Variants in PWWP2B observed in about 807,000 individuals in gnomAD.
PWWP2B encodes the protein PWWP domain containing 2B.
Under a neutral mutation model 15.5 loss-of-function variants are expected in PWWP2B, and 9 were observed. The ratio of observed to expected loss-of-function variants is 0.58; its 90% CI spans 0.35 to 1.02. The LOEUF (loss-of-function observed/expected upper bound fraction) is 1.02. PWWP2B is among the 50% of genes least tolerant of loss of function. The probability of loss-of-function intolerance (pLI) is 0.02; values close to 1 mark genes in which losing one functional copy is unlikely to be tolerated. For synonymous variants in PWWP2B, 474 were observed against 403.6 expected (o/e 1.17, Z -2.09); for missense variants, 864 against 865.3 (o/e 1.00, Z 0.02).
At position 132,405,226 on chromosome 10, in the gene PWWP2B, C is replaced by T. The variant is rs749011040; in HGVS notation, c.726C>T (p.Ala242=). Residue 242 remains alanine, a synonymous_variant, in exon 2 of 3, where the codon GCC becomes GCT. Coordinates refer to ENST00000305233, the MANE Select transcript of PWWP2B (RefSeq NM_138499.4). ...SKRERREEDR[A]PAEQVPRSPV... is the part of the protein sequence containing the mutation. The stretch of plus-strand genomic sequence containing the variant: ...GGGAGAGGCGCGAGGAGGACAGGGC[C>T]CCGGCAGAGCAGGTCCCGCGGAGCC... 1 of 1,601,640 alleles carries T rather than the reference C, an allele frequency of 6.2e-7. No individual in the cohort carries two copies. Among genetic ancestry groups the T allele is most frequent in the African/African-American group, 1.3e-5 (1 of 74,780 alleles).
chr10:132,417,040 C>T (rs759885790), intron 2 of PWWP2B, 21 bp from the exon 3 acceptor site: 4 of 1,613,442 alleles, frequency 2.5e-6, no homozygotes, highest in Non-Finnish European at 3.4e-6. Context: ...AAATCTCTGC[C>T]CCTTTTTGCT....
In PWWP2B at chr10:132,405,405, G is replaced by A. The variant is rs774741699; in HGVS notation, c.905G>A (p.Arg302Gln). 5.0e-6 allele frequency: 8 copies of A among 1,610,876 alleles called. No individual in the cohort carries two copies. Among genetic ancestry groups the A allele is most frequent in the East Asian group, 4.5e-5 (2 of 44,838 alleles). Reference protein sequence around the residue: ...QDPEVLDRESRDRPSCAPSAS... With the variant: ...QDPEVLDRESQDRPSCAPSAS... ...CCCGAGGTGCTGGACAGAGAGTCCCGGGACCGGCCGTCCTGCGCGCCCTCG... is the reference window on the plus strand; with the variant it reads ...CCCGAGGTGCTGGACAGAGAGTCCCAGGACCGGCCGTCCTGCGCGCCCTCG... Residue 302 changes from arginine (R) to glutamine (Q), a missense_variant, in exon 2 of 3, where the codon CGG (arginine) becomes CAG (glutamine). By Grantham distance (43) the Arg-to-Gln change is conservative. Around this residue, in one of 2 missense-constraint regions of PWWP2B, gnomAD observed 736 missense variants for 687.7 expected, o/e 1.07. Transcript: ENST00000305233.
intron 2 of PWWP2B, among the ~76,000 whole-genome samples, chr10:132,411,631 G>A (rs1482753136): frequency 6.6e-6 from 1 of 152,230 alleles, no homozygotes; most frequent in African/African-American, 2.4e-5. Flanking sequence ...CCGACCTTCA[G>A]CTTCATAATG....
chr10:132,405,396 G>C lies in PWWP2B; in HGVS notation c.896G>C (p.Arg299Thr). 1 of 1,611,172 alleles carries C rather than the reference G, an allele frequency of 6.2e-7. No homozygotes were observed. The highest frequency in any genetic ancestry group is 8.5e-7 in the Non-Finnish European group (1 of 1,179,210). Residue 299 changes from arginine to threonine, a missense_variant, in exon 2 of 3, where the codon AGA becomes ACA. This residue lies in a region of PWWP2B where 736 missense variants were observed against 687.7 expected (regional missense o/e 1.07). Transcript: ENST00000305233. ...AGCCAGGACCCCGAGGTGCTGGACA[G>C]AGAGTCCCGGGACCGGCCGTCCTGC... ...DGSQDPEVLD[R>T]ESRDRPSCAP...
rs58459421 is a variant in PWWP2B, at chr10:132,409,874, T to C, written c.*16+3585T>C. On this transcript the variant is annotated intron_variant, in intron 2 of 2. Coordinates refer to ENST00000305233, the MANE Select transcript of PWWP2B (RefSeq NM_138499.4). ...GGAGGAGGTGGCAGGAGCCAGGATC[T>C]GAATGGTGAGCTAATCAGGAGCTGA... Among the ~76,000 whole-genome samples, 1,373 of 151,926 alleles carry C rather than the reference T, an allele frequency of 9.0e-3. 23 individuals are homozygous for C. The highest frequency in any genetic ancestry group is 0.032 in the African/African-American group (1,308 of 41,420).
At chr10:132,409,471 A>T (rs1390592794) in intron 2 of PWWP2B, among the ~76,000 whole-genome samples, 1 of 152,150 alleles carries the variant, frequency 6.6e-6, no homozygotes, top group Non-Finnish European at 1.5e-5. Flanking sequence ...GGGGACCCAG[A>T]GAAGGCAATG....
intron 1 of PWWP2B, among the ~76,000 whole-genome samples, chr10:132,403,660 G>A (rs892304862): frequency 2.0e-5 from 3 of 152,268 alleles, no homozygotes; most frequent in African/African-American, 7.2e-5. Context: ...GCCACGCACA[G>A]TGCTGGGCAC....
At position 132,417,283 on chromosome 10, in the gene PWWP2B, C is replaced by T; in HGVS notation, c.*239C>T. The T allele has an allele frequency of 1.7e-6, 1 of 593,494 alleles. No homozygotes were observed. Among genetic ancestry groups the T allele is most frequent in the Non-Finnish European group, 3.0e-6 (1 of 334,184 alleles). The allele number at this position is 593,494 out of a possible 1,614,324, so 36.8% of individuals were successfully genotyped here. ...CTTCCCACCACTCAGCGCATGGCTGCCCTGGCTCACGAGGCAGTCGGGACT... is the reference window on the plus strand; with the variant it reads ...CTTCCCACCACTCAGCGCATGGCTGTCCTGGCTCACGAGGCAGTCGGGACT... On this transcript the variant is annotated 3_prime_UTR_variant, in exon 3 of 3. Transcript: ENST00000305233.
At chr10:132,413,729 G>A (rs12764870) in intron 2 of PWWP2B, among the ~76,000 whole-genome samples, 11,148 of 152,232 alleles carry the variant, frequency 0.073, 564 homozygotes, top group Non-Finnish European at 0.11. Flanking sequence ...CCCGCCCCTC[G>A]CCTCCTTGTG....
At position 132,405,690 on chromosome 10, in the gene PWWP2B, G is replaced by A. The variant is rs1159183591; in HGVS notation, c.1190G>A (p.Gly397Asp). 1 of 1,612,280 alleles carries A rather than the reference G, an allele frequency of 6.2e-7. No individual in the cohort carries two copies. The highest frequency in any genetic ancestry group is 1.1e-5 in the South Asian group (1 of 91,088). Reference protein sequence around the residue: ...EDDDFKSCPQGPQGREGLAFL... With the variant: ...EDDDFKSCPQDPQGREGLAFL... ...GATGACTTCAAGAGCTGTCCCCAGG[G>A]TCCACAGGGACGCGAGGGCTTGGCT... is the stretch of plus-strand genomic sequence containing the variant. The change falls in exon 2 of 3, where the codon GGT (glycine) becomes GAT (aspartate). Residue 397 changes from glycine (G) to aspartate (D), a missense_variant. This residue lies in a region of PWWP2B where 736 missense variants were observed against 687.7 expected (regional missense o/e 1.07). Transcript: ENST00000305233.
At chr10:132,398,321 A>G (rs1030663587) in intron 1 of PWWP2B, among the ~76,000 whole-genome samples, 14 of 152,180 alleles carry the variant, frequency 9.2e-5, no homozygotes, top group Admixed American at 2.6e-4. Flanking sequence ...AAGTCACGTG[A>G]TTTAACATAT....
intron 1 of PWWP2B, among the ~76,000 whole-genome samples, chr10:132,401,129 G>C (rs2133147064): frequency 6.6e-6 from 1 of 152,340 alleles, no homozygotes; most frequent in South Asian, 2.1e-4. Flanking sequence ...TCGGCCACTT[G>C]TGTCTGGCTG....
chr10:132,398,586 C>G (rs984130658), intron 1 of PWWP2B, among the ~76,000 whole-genome samples: 2 of 152,236 alleles, frequency 1.3e-5, no homozygotes, highest in African/African-American at 4.8e-5. Context: ...TGCCCCATTT[C>G]CCAGGTTCCT....
chr10:132,416,768 A>G (rs2069862780), intron 2 of PWWP2B, among the ~76,000 whole-genome samples: 1 of 152,034 alleles, frequency 6.6e-6, no homozygotes, highest in African/African-American at 2.4e-5. Flanking sequence ...AAGAGGCCAC[A>G]AGGCTCCAGG....
At chr10:132,411,930 G>A (rs2069787376) in intron 2 of PWWP2B, among the ~76,000 whole-genome samples, 1 of 152,362 alleles carries the variant, frequency 6.6e-6, no homozygotes, top group East Asian at 1.9e-4. Flanking sequence ...ACTTCCCTGC[G>A]TTGCTTTCAG....
In PWWP2B at chr10:132,405,121, C is replaced by A. The variant is rs2069674625; in HGVS notation, c.621C>A (p.Gly207=). The A allele has an allele frequency of 5.2e-6, 8 of 1,542,070 alleles. No homozygotes were observed. Among genetic ancestry groups the A allele is most frequent in the Non-Finnish European group, 7.0e-6 (8 of 1,143,674 alleles). ...APRARRRLGS[G]PDRELRKPEE... ...GGGCCCGCAGGAGGCTGGGCAGCGG[C>A]CCGGACAGGGAGCTCCGCAAGCCGG... The change falls in exon 2 of 3, where the codon GGC becomes GGA. Residue 207 remains glycine, a synonymous_variant. Transcript: ENST00000305233.
rs779344630 is a variant in PWWP2B at position 132,405,118 on chromosome 10, C to T, written c.618C>T (p.Ser206=). ...CCAGGGCCCGCAGGAGGCTGGGCAG[C>T]GGCCCGGACAGGGAGCTCCGCAAGC... is the stretch of plus-strand genomic sequence containing the variant. The part of the protein sequence containing the change: ...AAPRARRRLG[S]GPDRELRKPE... Residue 206 remains serine (S), a synonymous_variant, in exon 2 of 3, where the codon AGC becomes AGT. Coordinates refer to ENST00000305233, the MANE Select transcript of PWWP2B (RefSeq NM_138499.4). 74 of 1,540,680 alleles carry T rather than the reference C, an allele frequency of 4.8e-5. No individual in the cohort carries two copies. The East Asian group carries it at 1.2e-3, about 24-fold the overall frequency.
Position 132,404,700 on chromosome 10 carries a change from G to A in PWWP2B, c.200G>A (p.Gly67Asp), listed in dbSNP as rs1177407377. Residue 67 changes from glycine to aspartate, a missense_variant, in exon 2 of 3, where the codon GGC becomes GAC. Coordinates refer to ENST00000305233, the MANE Select transcript of PWWP2B (RefSeq NM_138499.4). Reference sequence around the variant, plus strand: ...GAGTCCCCTGTCAACGACAGCCATGGCCGGGCTCCCGAGGAGGGGGATGCA... The same window carrying A: ...GAGTCCCCTGTCAACGACAGCCATGACCGGGCTCCCGAGGAGGGGGATGCA... ...VDESPVNDSH[G>D]RAPEEGDAEV... The A allele has an allele frequency of 1.2e-6, 2 of 1,612,256 alleles. No homozygotes were observed. The highest frequency in any genetic ancestry group is 1.3e-5 in the African/African-American group (1 of 74,860).
Position 132,404,830 on chromosome 10 carries a change from C to T in PWWP2B, c.330C>T (p.Pro110=), listed in dbSNP as rs762531833. The T allele has an allele frequency of 2.3e-5, 36 of 1,567,836 alleles. No homozygotes were observed. Among genetic ancestry groups the T allele is most frequent in the South Asian group, 6.7e-5 (6 of 89,260 alleles). The change falls in exon 2 of 3, where the codon CCC becomes CCT. Residue 110 remains proline, a synonymous_variant. Transcript: ENST00000305233. ...EPPPPLVPPL[P]AGSLPPYPPY... is the part of the protein sequence containing the mutation. ...CCCCGCCCCTCGTGCCGCCGCTGCC[C>T]GCCGGAAGCCTGCCCCCGTACCCTC...
Sources: allele counts gnomAD v4.1 joint callset (sites outside exome capture counted in the v4.1 genomes callset), GRCh38; gene constraint gnomAD v4.1.1; regional missense constraint gnomAD v4.1.1; transcripts MANE v1.5; gene names NCBI Gene and HGNC (gene_info 2026-07-23, HGNC 2026-07-21).